The following SPAG16 variants were observed in gnomAD, a reference collection of about 807,000 sequenced individuals.
SPAG16 encodes the protein sperm associated antigen 16.
SPAG16 carries 86 observed loss-of-function variants against 80.4 expected under a neutral mutation model. The observed-to-expected ratio is 1.07, with a 90% confidence interval of 0.90 to 1.28. The LOEUF (loss-of-function observed/expected upper bound fraction) is 1.28. SPAG16 is among the 50% of genes most tolerant of loss of function. The probability of loss-of-function intolerance (pLI) is 0.00; values close to 1 mark genes in which losing one functional copy is unlikely to be tolerated. For missense variants in SPAG16, 870 were observed against 765.3 expected (o/e 1.14, Z -1.61); for synonymous variants, 294 against 265.9 (o/e 1.11, Z -1.03).
chr2:214,050,517 T>C (rs2049586743), intron 13 of SPAG16, among the ~76,000 whole-genome samples: 1 of 134,474 alleles, frequency 7.4e-6, no homozygotes, highest in African/African-American at 2.8e-5. Context: ...CTTAACGTAA[T>C]TCATATTACT....
intron 13 of SPAG16, among the ~76,000 whole-genome samples, chr2:214,089,869 T>C (rs1022235764): frequency 1.3e-5 from 2 of 152,038 alleles, no homozygotes; most frequent in African/African-American, 2.4e-5. Flanking sequence ...TGATATAATA[T>C]TCTAAATATT....
chr2:214,196,967 T>A (rs1297848044), intron 15 of SPAG16, among the ~76,000 whole-genome samples: 1 of 152,002 alleles, frequency 6.6e-6, no homozygotes, highest in Non-Finnish European at 1.5e-5. Context: ...GACCACTTGA[T>A]GCCAGCTTCT....
intron 9 of SPAG16, among the ~76,000 whole-genome samples, chr2:213,423,384 A>C (rs1313346012): frequency 3.3e-5 from 5 of 152,184 alleles, no homozygotes; most frequent in Non-Finnish European, 7.3e-5. Flanking sequence ...GGGTTAGGTT[A>C]CCTTAAAATT....
chr2:213,892,563 C>T (rs1161291123), intron 11 of SPAG16, among the ~76,000 whole-genome samples: 1 of 151,932 alleles, frequency 6.6e-6, no homozygotes, highest in Non-Finnish European at 1.5e-5. Flanking sequence ...TGCAAGATAA[C>T]ACAGAAAAGA....
intron 1 of SPAG16, among the ~76,000 whole-genome samples, chr2:213,285,134 T>A (rs1221966474): frequency 6.6e-6 from 1 of 152,218 alleles, no homozygotes; most frequent in Non-Finnish European, 1.5e-5. Context: ...TTAGTTTTGA[T>A]AGCATTATCT....
intron 9 of SPAG16, among the ~76,000 whole-genome samples, chr2:213,450,907 GA>G (rs1367468438): frequency 1.3e-5 from 2 of 152,132 alleles, no homozygotes; most frequent in Admixed American, 6.5e-5. Context: ...CTTTGTGAAA[GA>G]GTCTATTAAA....
At chr2:214,136,471 T>C (rs1469664623) in intron 14 of SPAG16, among the ~76,000 whole-genome samples, 1 of 152,198 alleles carries the variant, frequency 6.6e-6, no homozygotes, top group Non-Finnish European at 1.5e-5. Context: ...ATTGTAATGA[T>C]GTAGTGCTGT....
At chr2:213,456,050 A>G (rs1245257567) in intron 9 of SPAG16, among the ~76,000 whole-genome samples, 1 of 152,120 alleles carries the variant, frequency 6.6e-6, no homozygotes, top group Non-Finnish European at 1.5e-5. Context: ...CTTTCGCCAC[A>G]CCTTGCCTCT....
chr2:213,720,058 C>A (rs2125390778), intron 10 of SPAG16, among the ~76,000 whole-genome samples: 1 of 152,226 alleles, frequency 6.6e-6, no homozygotes, highest in Middle Eastern at 3.4e-3. Flanking sequence ...GAAACTAGAA[C>A]AATCATTCTC....
In SPAG16 at chr2:213,642,136, G is replaced by A. The variant is rs899456928; in HGVS notation, c.1070+152046G>A. On this transcript the variant is annotated intron_variant, in intron 10 of 15. Coordinates refer to ENST00000331683, the MANE Select transcript of SPAG16 (RefSeq NM_024532.5). ...TACTCAGTGAGGATGTGTGTTTGGG[G>A]GCAGACTTTCCACCTCTCGCACTTT... Among the ~76,000 whole-genome samples, 3 of 152,190 alleles carry A rather than the reference G, an allele frequency of 2.0e-5. No homozygotes were observed. In the East Asian group the frequency reaches 5.8e-4, roughly 29 times the overall value.
chr2:214,315,811 C>G (rs1695655172), intron 15 of SPAG16, among the ~76,000 whole-genome samples: 2 of 152,198 alleles, frequency 1.3e-5, no homozygotes. Context: ...GGATTACAAG[C>G]ATGAGCCACT....
chr2:213,628,267 T>C (rs1310589793), intron 10 of SPAG16, among the ~76,000 whole-genome samples: 1 of 152,190 alleles, frequency 6.6e-6, no homozygotes, highest in Non-Finnish European at 1.5e-5. Flanking sequence ...AAGATGCACA[T>C]GTTTCCAGTT....
At chr2:213,773,236 A>C (rs1210119475) in intron 10 of SPAG16, among the ~76,000 whole-genome samples, 1 of 151,760 alleles carries the variant, frequency 6.6e-6, no homozygotes, top group African/African-American at 2.4e-5. Flanking sequence ...TATAGATGAG[A>C]TTTTCTCAGC....
intron 13 of SPAG16, among the ~76,000 whole-genome samples, chr2:214,107,744 A>G (rs1490647254): frequency 6.6e-6 from 1 of 152,186 alleles, no homozygotes; most frequent in Non-Finnish European, 1.5e-5. Context: ...TTAATGCTGA[A>G]CTGTGAAAAT....
intron 13 of SPAG16, among the ~76,000 whole-genome samples, chr2:214,091,127 A>G (rs1006645714): frequency 2.6e-5 from 4 of 152,132 alleles, no homozygotes; most frequent in Non-Finnish European, 5.9e-5. Flanking sequence ...AATCCCACTG[A>G]GCTAACCAGT....
intron 12 of SPAG16, among the ~76,000 whole-genome samples, chr2:214,000,469 T>A (rs942146460): frequency 6.6e-6 from 1 of 152,126 alleles, no homozygotes; most frequent in African/African-American, 2.4e-5. Context: ...AACAGACTAA[T>A]ATAGGAAGTA....
At chr2:213,905,914 A>G (rs2077410985) in intron 11 of SPAG16, among the ~76,000 whole-genome samples, 1 of 152,166 alleles carries the variant, frequency 6.6e-6, no homozygotes, top group African/African-American at 2.4e-5. Context: ...GTTCTGAAGG[A>G]AGCATGCTTG....
At chr2:213,528,230 G>A (rs1316231522) in intron 10 of SPAG16, among the ~76,000 whole-genome samples, 1 of 151,888 alleles carries the variant, frequency 6.6e-6, no homozygotes, top group African/African-American at 2.4e-5. Context: ...CCAATATTAT[G>A]TTTGCAATTT....
chr2:213,692,352 C>T (rs1329012426), intron 10 of SPAG16, among the ~76,000 whole-genome samples: 1 of 152,150 alleles, frequency 6.6e-6, no homozygotes, highest in East Asian at 1.9e-4. Context: ...ATTAATTTCA[C>T]TTCACTTAAT....
Sources: allele counts gnomAD v4.1 joint callset (sites outside exome capture counted in the v4.1 genomes callset), GRCh38; gene constraint gnomAD v4.1.1; transcripts MANE v1.5; gene names NCBI Gene and HGNC (gene_info 2026-07-23, HGNC 2026-07-21).